The following PRKCA variants were observed in gnomAD, a reference collection of about 807,000 sequenced individuals.
PRKCA encodes protein kinase C alpha type.
In PRKCA, 27 loss-of-function variants were observed where a neutral mutation model predicts 87.0. The ratio of observed to expected loss-of-function variants is 0.31; its 90% confidence interval spans 0.23 to 0.43. PRKCA has a LOEUF of 0.43. Among genes scored for constraint, PRKCA ranks in the 20% least tolerant of loss-of-function variants. The pLI is 1.00. For missense variants in PRKCA, 518 were observed against 852.3 expected, an observed-to-expected ratio of 0.61 and a Z score of 4.88; for synonymous variants, 329 against 311.1, an observed-to-expected ratio of 1.06 and a Z score of -0.61.
At chr17:66,380,930 A>C (rs11658665) in intron 2 of PRKCA, among the ~76,000 whole-genome samples, 76,898 of 149,168 alleles carry the variant, frequency 0.52, 21,747 homozygotes, top group South Asian at 0.65. Flanking sequence ...AGGTATTTTT[A>C]TTTTTTATTT....
intron 2 of PRKCA, among the ~76,000 whole-genome samples, chr17:66,388,397 C>T (rs1426035715): frequency 4.6e-5 from 7 of 152,008 alleles, no homozygotes; most frequent in South Asian, 2.1e-4. Context: ...CAGGTTCAAG[C>T]GATTCTCTTG....
At chr17:66,774,984 A>G in intron 14 of PRKCA, 1 of 985,366 alleles carries the variant, frequency 1.0e-6, no homozygotes. Context: ...TAATGGCCTT[A>G]ATATCTGTGT....
At chr17:66,408,677 G>T (rs1348583244) in intron 2 of PRKCA, among the ~76,000 whole-genome samples, 1 of 152,090 alleles carries the variant, frequency 6.6e-6, no homozygotes, top group Non-Finnish European at 1.5e-5. Flanking sequence ...CCAGTAATAA[G>T]AGCAGAAAAA....
intron 3 of PRKCA, among the ~76,000 whole-genome samples, chr17:66,510,892 G>A (rs962052874): frequency 2.0e-5 from 3 of 151,956 alleles, no homozygotes; most frequent in Non-Finnish European, 4.4e-5. Flanking sequence ...GACTACAGGC[G>A]TGCACCACCA....
rs142996368 is a variant in PRKCA, at chr17:66,768,287, A to G, written c.1525-5700A>G. The stretch of plus-strand genomic sequence containing the variant: ...GGGGGGGAGAGATTAGGGTCTTGCT[A>G]TGTTGCCCAAGCTGGTCTCCAATTC... On this transcript the variant is annotated intron_variant, in intron 13 of 16. Coordinates refer to ENST00000413366, the MANE Select transcript of PRKCA (RefSeq NM_002737.3). Among the ~76,000 whole-genome samples, 65 of 139,430 alleles carry G rather than the reference A, an allele frequency of 4.7e-4. 1 individual carries two copies. The East Asian group carries it at 8.8e-3, about 19-fold the overall frequency. The allele number at this position is 139,430 out of a possible 152,430, so 91.5% of individuals were successfully genotyped here. A position where few individuals can be genotyped will look rare whatever the true frequency, so the allele number is the denominator to read the frequency against.
chr17:66,584,840 A>G (rs552405312), intron 3 of PRKCA, among the ~76,000 whole-genome samples: 1 of 152,116 alleles, frequency 6.6e-6, no homozygotes, highest in East Asian at 1.9e-4. Flanking sequence ...TCTTTATTTA[A>G]TTACACCTGC....
chr17:66,717,857 G>T (rs1414270001), intron 8 of PRKCA, among the ~76,000 whole-genome samples: 2 of 152,240 alleles, frequency 1.3e-5, no homozygotes, highest in Admixed American at 1.3e-4. Context: ...GCAGGAGAAA[G>T]AATGACTCAT....
intron 13 of PRKCA, among the ~76,000 whole-genome samples, chr17:66,765,416 GTCTATATATATATATATATA>G (rs1974777161): frequency 1.2e-4 from 2 of 16,032 alleles, no homozygotes; most frequent in African/African-American, 4.4e-4. Context: ...GCAAGACTTT[GTCTATATATATATATATATA>G]TATATATATA....
At chr17:66,528,665 G>A (rs528218522) in intron 3 of PRKCA, among the ~76,000 whole-genome samples, 1 of 152,300 alleles carries the variant, frequency 6.6e-6, no homozygotes, top group South Asian at 2.1e-4. Context: ...ACTCATTTTG[G>A]AAGTCTGACC....
At chr17:66,388,570 C>T (rs1910192358) in intron 2 of PRKCA, among the ~76,000 whole-genome samples, 1 of 152,174 alleles carries the variant, frequency 6.6e-6, no homozygotes, top group Admixed American at 6.5e-5. Flanking sequence ...CTTAGGATTA[C>T]AGGCATGAGC....
At chr17:66,495,520 G>A (rs1916430747) in intron 2 of PRKCA, among the ~76,000 whole-genome samples, 1 of 81,816 alleles carries the variant, frequency 1.2e-5, no homozygotes, top group Admixed American at 1.1e-4. Context: ...ATAGGATGGT[G>A]CAAAGTATTT....
intron 2 of PRKCA, among the ~76,000 whole-genome samples, chr17:66,325,583 G>T (rs889613354): frequency 1.3e-5 from 2 of 152,156 alleles, no homozygotes; most frequent in Non-Finnish European, 2.9e-5. Flanking sequence ...TGATAGTAGG[G>T]GTAGAGTGTC....
At chr17:66,322,524 A>C (rs1905733543) in intron 2 of PRKCA, among the ~76,000 whole-genome samples, 1 of 152,098 alleles carries the variant, frequency 6.6e-6, no homozygotes, top group Non-Finnish European at 1.5e-5. Context: ...GTGCAGTGGT[A>C]CAATCCTAGC....
At chr17:66,451,859 G>A (rs566136217) in intron 2 of PRKCA, among the ~76,000 whole-genome samples, 3 of 152,178 alleles carry the variant, frequency 2.0e-5, no homozygotes, top group African/African-American at 7.2e-5. Context: ...TAACTCTAGG[G>A]TGATCTCTAA....
At chr17:66,653,026 C>G (rs1971634006) in intron 5 of PRKCA, among the ~76,000 whole-genome samples, 1 of 152,222 alleles carries the variant, frequency 6.6e-6, no homozygotes, top group African/African-American at 2.4e-5. Flanking sequence ...GGCCCCTGGC[C>G]CCCGTTAAAC....
At chr17:66,389,199 C>A (rs955438997) in intron 2 of PRKCA, among the ~76,000 whole-genome samples, 1 of 152,204 alleles carries the variant, frequency 6.6e-6, no homozygotes, top group Non-Finnish European at 1.5e-5. Context: ...TTCACAATAG[C>A]CCACACCAAG....
chr17:66,562,875 G>A (rs915414468), intron 3 of PRKCA, among the ~76,000 whole-genome samples: 1 of 152,174 alleles, frequency 6.6e-6, no homozygotes, highest in Non-Finnish European at 1.5e-5. Context: ...GGGATTACAG[G>A]CATGAACACT....
chr17:66,576,833 T>C (rs940498014), intron 3 of PRKCA, among the ~76,000 whole-genome samples: 11 of 152,102 alleles, frequency 7.2e-5, no homozygotes, highest in Admixed American at 5.2e-4. Context: ...CTCATTTCTG[T>C]TCTCAAACCC....
intron 3 of PRKCA, among the ~76,000 whole-genome samples, chr17:66,610,623 C>T (rs1567929929): frequency 6.6e-6 from 1 of 152,194 alleles, no homozygotes; most frequent in Non-Finnish European, 1.5e-5. Flanking sequence ...AAATAACACT[C>T]GAACAGAAAA....
Sources: gnomAD v4.1 joint callset for allele counts (sites outside exome capture counted in the v4.1 genomes callset) on GRCh38, gnomAD v4.1.1 for gene constraint, MANE v1.5 for transcripts, NCBI Gene and HGNC (gene_info 2026-07-23, HGNC 2026-07-21) for gene names.